Variants in SCAF8 observed in about 807,000 individuals in gnomAD.
SCAF8 encodes SR-related and CTD-associated factor 8.
In SCAF8, 23 loss-of-function variants were observed where a neutral mutation model predicts 140.5. The observed-to-expected ratio is 0.16, with a 90% CI of 0.12 to 0.23. The LOEUF (loss-of-function observed/expected upper bound fraction) is 0.23. Among genes scored for constraint, SCAF8 ranks in the 10% least tolerant of loss-of-function variants. SCAF8 has a pLI of 1.00. For missense variants in SCAF8, 1,397 were observed against 1,555.7 expected, an observed-to-expected ratio of 0.90 and a Z score of 1.72; for synonymous variants, 575 against 528.9, an observed-to-expected ratio of 1.09 and a Z score of -1.20.
chr6:154,830,864 A>G, intron 18 of SCAF8, 58 bp from the exon 19 acceptor site: 1 of 1,320,684 alleles, frequency 7.6e-7, no homozygotes, highest in Middle Eastern at 1.8e-4. Context: ...CTGCCAGAAA[A>G]CTTAGCACAT....
At chr6:154,746,691 A>AT (rs1217236843) in intron 1 of SCAF8, among the ~76,000 whole-genome samples, 1 of 152,164 alleles carries the variant, frequency 6.6e-6, no homozygotes, top group Non-Finnish European at 1.5e-5. Flanking sequence ...TTTATAATTC[A>AT]TTTTTTGTTT....
At chr6:154,825,471 G>A (rs1778538756) in intron 17 of SCAF8, among the ~76,000 whole-genome samples, 1 of 151,438 alleles carries the variant, frequency 6.6e-6, no homozygotes, top group African/African-American at 2.4e-5. Flanking sequence ...GTGCAGGAGT[G>A]CAAGACCAGC....
At chr6:154,784,997 G>C (rs1777209744) in intron 3 of SCAF8, among the ~76,000 whole-genome samples, 1 of 152,174 alleles carries the variant, frequency 6.6e-6, no homozygotes, top group South Asian at 2.1e-4. Context: ...CAGGTAACCA[G>C]TTTGAATTTT....
At position 154,741,925 on chromosome 6, in the gene SCAF8, C is replaced by A. The variant is rs759510139; in HGVS notation, c.30+7995C>A. 4.0e-6 allele frequency: 6 copies of A among 1,481,810 alleles called. No homozygotes were observed. The South Asian group carries it at 7.2e-5, about 18-fold the overall frequency. 91.8% of individuals were successfully genotyped at this position (1,481,810 alleles called of 1,614,324 possible). ...AGCTCATTTTGTCTGGTTTTGTGTT[C>A]TCAACATCTTTCTCTACTCCTCTCT... On this transcript the variant is annotated intron_variant, in intron 1 of 19. Transcript: ENST00000367178.
At chr6:154,735,276 T>C (rs918537270) in intron 1 of SCAF8, among the ~76,000 whole-genome samples, 2 of 152,188 alleles carry the variant, frequency 1.3e-5, no homozygotes, top group Admixed American at 6.5e-5. Context: ...CGAGGCTTTT[T>C]GCTGTGACGG....
At chr6:154,752,491 AT>A (rs76544942) in intron 1 of SCAF8, among the ~76,000 whole-genome samples, 41 of 147,826 alleles carry the variant, frequency 2.8e-4, no homozygotes, top group East Asian at 3.9e-4. Flanking sequence ...GGGAATTTTA[AT>A]TTTTTTTTTT....
intron 3 of SCAF8, among the ~76,000 whole-genome samples, chr6:154,785,059 T>C (rs1777211167): frequency 6.6e-6 from 1 of 152,230 alleles, no homozygotes. Flanking sequence ...AAATGAATTC[T>C]TAAAGTGGTT....
intron 1 of SCAF8, among the ~76,000 whole-genome samples, chr6:154,762,492 G>A (rs1006130448): frequency 2.6e-5 from 4 of 151,888 alleles, no homozygotes; most frequent in Admixed American, 2.0e-4. Flanking sequence ...AGTTATCATC[G>A]GAGTGACTGT....
rs1583076571 is a variant in SCAF8, at chr6:154,832,132, C to T, written c.2553C>T (p.Asn851=). The T allele has an allele frequency of 6.2e-7, 1 of 1,613,922 alleles. No individual in the cohort carries two copies. Among genetic ancestry groups the T allele is most frequent in the Non-Finnish European group, 8.5e-7 (1 of 1,179,896 alleles). Residue 851 remains asparagine (N), a synonymous_variant, in exon 20 of 20, where the codon AAC becomes AAT. Transcript: ENST00000367178. The part of the protein sequence containing the change: ...IAAQPPNILN[N]SGILGIQPPS... Reference sequence around the variant, plus strand: ...CCCAACCACCAAATATTCTAAATAACTCTGGAATATTGGGAATACAGCCAC... The same window carrying T: ...CCCAACCACCAAATATTCTAAATAATTCTGGAATATTGGGAATACAGCCAC...
chr6:154,759,595 T>A (rs1036804099), intron 1 of SCAF8, among the ~76,000 whole-genome samples: 1 of 151,862 alleles, frequency 6.6e-6, no homozygotes, highest in Non-Finnish European at 1.5e-5. Flanking sequence ...CAATAATCTT[T>A]AAAAAATTAT....
intron 9 of SCAF8, among the ~76,000 whole-genome samples, chr6:154,806,903 C>G (rs1178496959): frequency 2.6e-5 from 4 of 152,024 alleles, no homozygotes; most frequent in African/African-American, 9.7e-5. Flanking sequence ...AAAGAAAAAA[C>G]AAAGTTGTAA....
Position 154,833,348 on chromosome 6 carries a change from A to C in SCAF8, c.3769A>C (p.Ile1257Leu). The C allele has an allele frequency of 6.2e-7, 1 of 1,613,950 alleles. No homozygotes were observed. ...GGAGAAGAGTGACACAGTTGCTGAT[A>C]TAGAAAGTGAACCAGTGGTAGAAAG... is the stretch of plus-strand genomic sequence containing the variant. ...NKEKSDTVAD[I>L]ESEPVVESTE... Residue 1257 changes from isoleucine to leucine, a missense_variant, in exon 20 of 20, where the codon ATA (isoleucine) becomes CTA (leucine). By Grantham distance (5) the Ile-to-Leu change is conservative (BLOSUM62 2). This residue lies in a region of SCAF8 where 930 missense variants were observed against 874.6 expected (regional missense o/e 1.06). Coordinates refer to ENST00000367178, the MANE Select transcript of SCAF8 (RefSeq NM_014892.5).
intron 13 of SCAF8, among the ~76,000 whole-genome samples, chr6:154,817,676 G>A (rs2351847): frequency 0.5 from 75,350 of 152,026 alleles, 19,415 homozygotes; most frequent in East Asian, 0.9. Flanking sequence ...AGCTTGAAGT[G>A]TTAGCAAGGC....
chr6:154,833,509 GATGTTC>G lies in SCAF8; in HGVS notation c.*122_*127del. The G allele has an allele frequency of 1.0e-6, 1 of 955,572 alleles. No individual in the cohort carries two copies. Among genetic ancestry groups the G allele is most frequent in the African/African-American group, 1.7e-5 (1 of 60,126 alleles). 59.2% of individuals were successfully genotyped at this position (955,572 alleles called of 1,614,324 possible). A position where few individuals can be genotyped will look rare whatever the true frequency, so the allele number is the denominator to read the frequency against. On this transcript the variant is annotated 3_prime_UTR_variant, in exon 20 of 20. Coordinates refer to ENST00000367178, the MANE Select transcript of SCAF8 (RefSeq NM_014892.5). ...TTGTCTGCCAGAATTAAGTTAATCT[GATGTTC>G]ATGTTCACCTTTCTCTTAAAATAAT...
chr6:154,740,625 C>CTTTTTT (rs66980794), intron 1 of SCAF8, among the ~76,000 whole-genome samples: 6 of 138,512 alleles, frequency 4.3e-5, no homozygotes, highest in South Asian at 2.3e-4. Flanking sequence ...TTTTCTTTTT[C>CTTTTTT]TTTTTTTTTT....
intron 1 of SCAF8, among the ~76,000 whole-genome samples, chr6:154,747,528 C>T (rs776135548): frequency 4.6e-5 from 7 of 151,922 alleles, no homozygotes; most frequent in Non-Finnish European, 1.0e-4. Flanking sequence ...AACAAAAAAA[C>T]CCATATACGT....
chr6:154,769,044 C>T (rs559555493), intron 1 of SCAF8, among the ~76,000 whole-genome samples: 3 of 117,796 alleles, frequency 2.5e-5, no homozygotes, highest in African/African-American at 9.8e-5. Flanking sequence ...GCGTGGGCGA[C>T]AGAGTGAGAC....
chr6:154,789,772 C>G (rs911528469), intron 4 of SCAF8, among the ~76,000 whole-genome samples: 1 of 152,094 alleles, frequency 6.6e-6, no homozygotes. Flanking sequence ...GTCTCGATCT[C>G]CTGACCTCGT....
At position 154,809,334 on chromosome 6, in the gene SCAF8, A is replaced by AGGGGCAG. The variant is rs1778017829; in HGVS notation, c.1226+537_1226+543dup. ...AAATCTGAACAGTAAATGGTGTAAGAGGGGCAGTACGTTTGATGAGTTTTT... is the reference window on the plus strand; with the variant it reads ...AAATCTGAACAGTAAATGGTGTAAGAGGGGCAGGGGGCAGTACGTTTGATGAGTTTTT... On this transcript the variant is annotated intron_variant, in intron 11 of 19. Transcript: ENST00000367178. 2.6e-5 allele frequency among the ~76,000 whole-genome samples: 4 copies of AGGGGCAG among 152,040 alleles called. No individual in the cohort carries two copies. In the South Asian group the frequency reaches 8.3e-4, roughly 32 times the overall value.
Sources: gnomAD v4.1 joint callset for allele counts (sites outside exome capture counted in the v4.1 genomes callset) on GRCh38, gnomAD v4.1.1 for gene constraint, gnomAD v4.1.1 regional missense constraint, MANE v1.5 for transcripts, NCBI Gene and HGNC (gene_info 2026-07-23, HGNC 2026-07-21) for gene names.